Variants in DNAH6 observed in about 807,000 individuals in gnomAD.
DNAH6 encodes axonemal beta dynein heavy chain 6.
In DNAH6, 340 loss-of-function variants were observed where a neutral mutation model predicts 491.4. The observed-to-expected ratio is 0.69, with a 90% CI of 0.63 to 0.76. The LOEUF is 0.76. Among genes scored for constraint, DNAH6 ranks in the 30% least tolerant of loss-of-function variants. The pLI is 0.00. For synonymous variants in DNAH6, 1,603 were observed against 1,686.1 expected (o/e 0.95, Z 1.21); for missense variants, 4,443 against 4,972.2 (o/e 0.89, Z 3.20).
intron 64 of DNAH6, among the ~76,000 whole-genome samples, chr2:84,780,775 G>A (rs1676609730): frequency 7.1e-6 from 1 of 140,566 alleles, no homozygotes; most frequent in African/African-American, 2.9e-5. Context: ...TCATTTCGTT[G>A]AGGCTTTTTT....
At chr2:84,508,607 A>G in the DNAH6 span, among the ~76,000 whole-genome samples, 1 of 152,098 alleles carries the variant, frequency 6.6e-6, no homozygotes, top group Admixed American at 6.5e-5. Flanking sequence ...GCCTTCTGCT[A>G]GCTTTTGAAT....
upstream of DNAH6, among the ~76,000 whole-genome samples, chr2:84,513,095 G>T (rs1248462592): frequency 1.3e-5 from 2 of 149,752 alleles, no homozygotes; most frequent in Non-Finnish European, 3.0e-5. Context: ...TACCATTTTG[G>T]TTCACTTTTT....
chr2:84,811,300 G>A (rs889266054), intron 72 of DNAH6, among the ~76,000 whole-genome samples: 3 of 152,276 alleles, frequency 2.0e-5, no homozygotes, highest in South Asian at 4.1e-4. Flanking sequence ...TGCCTCTAAC[G>A]TCTTCCTATT....
intron 22 of DNAH6, among the ~76,000 whole-genome samples, chr2:84,613,047 G>A (rs1214242728): frequency 1.3e-5 from 2 of 152,030 alleles, no homozygotes. Context: ...TGCTCCTAAG[G>A]ATGTAAGATA....
At chr2:84,518,259 G>A (rs1237733352) in intron 2 of DNAH6, among the ~76,000 whole-genome samples, 1 of 152,210 alleles carries the variant, frequency 6.6e-6, no homozygotes, top group South Asian at 2.1e-4. Context: ...GAAGGATACA[G>A]TGGTGAACAA....
At position 84,718,197 on chromosome 2, in the gene DNAH6, G is replaced by C; in HGVS notation, c.9612-7G>C. The C allele has an allele frequency of 6.6e-7, 1 of 1,507,484 alleles. No homozygotes were observed. Among genetic ancestry groups the C allele is most frequent in the Non-Finnish European group, 8.9e-7 (1 of 1,129,220 alleles). 93.4% of individuals were successfully genotyped at this position (1,507,484 alleles called of 1,614,324 possible). On this transcript the variant is annotated splice_region_variant and splice_polypyrimidine_tract_variant and intron_variant, in intron 58 of 76. Coordinates refer to ENST00000389394, the MANE Select transcript of DNAH6 (RefSeq NM_001370.2). ...ACATAATTTAGATATCTGAACTTTG[G>C]TTTTAGTGATGTGGTGCGACTTGAA...
At chr2:84,747,395 A>G (rs1573684820) in intron 63 of DNAH6, among the ~76,000 whole-genome samples, 1 of 152,238 alleles carries the variant, frequency 6.6e-6, no homozygotes, top group South Asian at 2.1e-4. Flanking sequence ...AACAGGCTCC[A>G]TGCAAGTCTG....
intron 37 of DNAH6, among the ~76,000 whole-genome samples, chr2:84,662,863 C>T (rs1031466621): frequency 2.0e-5 from 3 of 152,094 alleles, no homozygotes; most frequent in South Asian, 4.2e-4. Flanking sequence ...CAGTAGGGGC[C>T]GACTGACAGC....
At chr2:84,720,588 T>G (rs930496138) in intron 59 of DNAH6, among the ~76,000 whole-genome samples, 19 of 152,142 alleles carry the variant, frequency 1.2e-4, no homozygotes, top group Non-Finnish European at 2.5e-4. Flanking sequence ...GAGTGCTTCT[T>G]GCTACTAATT....
At chr2:84,669,826 A>G (rs1692543237) in intron 38 of DNAH6, among the ~76,000 whole-genome samples, 1 of 152,108 alleles carries the variant, frequency 6.6e-6, no homozygotes, top group Non-Finnish European at 1.5e-5. Context: ...TGGGCAGAGG[A>G]GTTTGCATGC....
At chr2:84,516,301 A>C (rs939038654), upstream of DNAH6, among the ~76,000 whole-genome samples, 1 of 152,190 alleles carries the variant, frequency 6.6e-6, no homozygotes, top group Non-Finnish European at 1.5e-5. Flanking sequence ...TTCCCAGCGC[A>C]GAGGAGGAAC....
chr2:84,644,665 C>T (rs1689732067), intron 33 of DNAH6, among the ~76,000 whole-genome samples: 1 of 152,102 alleles, frequency 6.6e-6, no homozygotes, highest in African/African-American at 2.4e-5. Flanking sequence ...TCATTTAGCT[C>T]CTACTTATAA....
chr2:84,662,364 C>T (rs545139927), intron 37 of DNAH6, among the ~76,000 whole-genome samples: 8 of 152,246 alleles, frequency 5.3e-5, no homozygotes, highest in African/African-American at 1.9e-4. Context: ...CAAGGGAAGC[C>T]GTGACAGGCA....
chr2:84,547,739 G>A, intron 7 of DNAH6, 127 bp downstream of exon 7: 1 of 1,007,998 alleles, frequency 9.9e-7, no homozygotes, highest in Non-Finnish European at 1.4e-6. Flanking sequence ...ACATTTGATG[G>A]ATATTATAAA....
chr2:84,511,393 T>C, the DNAH6 span, among the ~76,000 whole-genome samples: 1 of 152,256 alleles, frequency 6.6e-6, no homozygotes, highest in South Asian at 2.1e-4. Flanking sequence ...TATAATCTCC[T>C]GGTGTGCCGT....
the DNAH6 span, among the ~76,000 whole-genome samples, chr2:84,498,729 T>TA: frequency 2.1e-3 from 319 of 151,660 alleles, no homozygotes; most frequent in Non-Finnish European, 3.7e-3. Context: ...TTTTTTTTTT[T>TA]AAATAGCACC....
Position 84,525,744 on chromosome 2 carries a change from A to C in DNAH6, c.399+6A>C. 6.5e-7 allele frequency: 1 copy of C among 1,527,918 alleles called. No individual in the cohort carries two copies. The highest frequency in any genetic ancestry group is 8.8e-7 in the Non-Finnish European group (1 of 1,135,970). The allele number at this position is 1,527,918 out of a possible 1,614,324, so 94.6% of individuals were successfully genotyped here. A position where few individuals can be genotyped will look rare whatever the true frequency, so the allele number is the denominator to read the frequency against. The stretch of plus-strand genomic sequence containing the variant: ...ATGCTGTGAAAAAAATGCAGGTATA[A>C]TATTAAAATACTTAATTGATTCTTT... On this transcript the variant is annotated splice_donor_region_variant and intron_variant, in intron 3 of 76. Coordinates refer to ENST00000389394, the MANE Select transcript of DNAH6 (RefSeq NM_001370.2).
intron 37 of DNAH6, among the ~76,000 whole-genome samples, chr2:84,666,279 G>A (rs1021195009): frequency 5.9e-5 from 9 of 152,132 alleles, no homozygotes; most frequent in Non-Finnish European, 1.0e-4. Flanking sequence ...AAGAAATAAA[G>A]GGTATTCAAT....
chr2:84,642,344 A>C (rs192016904), intron 33 of DNAH6, among the ~76,000 whole-genome samples: 1 of 152,224 alleles, frequency 6.6e-6, no homozygotes, highest in Non-Finnish European at 1.5e-5. Flanking sequence ...ACTCAAAAAA[A>C]GTCAGACTTG....
Sources: allele counts gnomAD v4.1 joint callset (sites outside exome capture counted in the v4.1 genomes callset), GRCh38; gene constraint gnomAD v4.1.1; transcripts MANE v1.5; gene names NCBI Gene and HGNC (gene_info 2026-07-23, HGNC 2026-07-21).